WDR64: variants seen among roughly 807,000 people sequenced by gnomAD.
WDR64 encodes the protein WD repeat domain 64, also known as WD repeat-containing protein 64.
WDR64 carries 112 observed loss-of-function variants against 139.3 expected under a neutral mutation model. The ratio of observed to expected loss-of-function variants is 0.80; its 90% CI spans 0.69 to 0.94. WDR64 has a LOEUF of 0.94. WDR64 is among the 40% of genes least tolerant of loss of function. The pLI is 0.00. For synonymous variants in WDR64, 444 were observed against 437.7 expected, an observed-to-expected ratio of 1.01 and a Z score of -0.18; for missense variants, 1,206 against 1,293.1, an observed-to-expected ratio of 0.93 and a Z score of 1.03.
chr1:241,726,142 C>G (rs1668829972), intron 10 of WDR64, among the ~76,000 whole-genome samples: 1 of 151,976 alleles, frequency 6.6e-6, no homozygotes, highest in East Asian at 1.9e-4. Flanking sequence ...TCAAGTGAGC[C>G]TCCTGCCTCA....
intron 1 of WDR64, among the ~76,000 whole-genome samples, chr1:241,653,856 A>T (rs545659297): frequency 6.6e-6 from 1 of 151,934 alleles, no homozygotes; most frequent in Non-Finnish European, 1.5e-5. Flanking sequence ...AAGTCACCCA[A>T]CTTCTAAGTG....
chr1:241,679,389 T>C, intron 5 of WDR64, 96 bp from the exon 6 acceptor site: 1 of 1,030,406 alleles, frequency 9.7e-7, no homozygotes, highest in Admixed American at 2.1e-5. Context: ...GGCAGCAAAA[T>C]GGAGCTTTTA....
At chr1:241,784,623 T>C (rs113461077) in intron 23 of WDR64, among the ~76,000 whole-genome samples, 383 of 152,284 alleles carry the variant, frequency 2.5e-3, no homozygotes, top group Admixed American at 4.2e-3. Flanking sequence ...AGTAAGGTCC[T>C]ATTTGGAGGC....
At chr1:241,754,170 A>G (rs190767997) in intron 14 of WDR64, among the ~76,000 whole-genome samples, 1 of 152,302 alleles carries the variant, frequency 6.6e-6, no homozygotes, top group Non-Finnish European at 1.5e-5. Context: ...TGATTAATTT[A>G]ACTAATATGT....
intron 8 of WDR64, among the ~76,000 whole-genome samples, chr1:241,691,228 A>G (rs1249115994): frequency 6.6e-6 from 1 of 152,188 alleles, no homozygotes; most frequent in Non-Finnish European, 1.5e-5. Context: ...CAAAAGGCAG[A>G]AAAAGAGTAA....
intron 21 of WDR64, among the ~76,000 whole-genome samples, chr1:241,776,858 T>C (rs1386390885): frequency 6.6e-6 from 1 of 152,198 alleles, no homozygotes; most frequent in Non-Finnish European, 1.5e-5. Flanking sequence ...TTTACTATCA[T>C]ATAGCCCATT....
chr1:241,736,532 T>G (rs1477650241), intron 10 of WDR64, among the ~76,000 whole-genome samples: 1 of 152,022 alleles, frequency 6.6e-6, no homozygotes, highest in Non-Finnish European at 1.5e-5. Flanking sequence ...AGAAGGTTTT[T>G]GGAAATGCAA....
chr1:241,752,634 G>A (rs1488246871), intron 14 of WDR64, among the ~76,000 whole-genome samples: 2 of 152,204 alleles, frequency 1.3e-5, no homozygotes, highest in Non-Finnish European at 2.9e-5. Flanking sequence ...AGGATAGCTT[G>A]AGGTTAGGAG....
chr1:241,678,314 C>T (rs1666638469), intron 5 of WDR64, 98 bp downstream of exon 5: 1 of 397,232 alleles, frequency 2.5e-6, no homozygotes, highest in Non-Finnish European at 4.4e-6. Flanking sequence ...ACTGAATAGG[C>T]TCTGGGTATA....
chr1:241,733,811 G>A (rs906887337), intron 10 of WDR64, among the ~76,000 whole-genome samples: 16 of 152,042 alleles, frequency 1.1e-4, no homozygotes, highest in African/African-American at 3.9e-4. Flanking sequence ...TACCAACTTA[G>A]TCTGCTTCTG....
At chr1:241,684,471 C>T (rs147107820) in intron 7 of WDR64, among the ~76,000 whole-genome samples, 18 of 152,122 alleles carry the variant, frequency 1.2e-4, no homozygotes, top group African/African-American at 1.7e-4. Flanking sequence ...TTTTATTAGC[C>T]GAAAAACCTA....
At chr1:241,751,302 A>C (rs1198040141) in intron 14 of WDR64, among the ~76,000 whole-genome samples, 1 of 152,162 alleles carries the variant, frequency 6.6e-6, no homozygotes. Flanking sequence ...AACAAGCTTT[A>C]TAATAAATTT....
At chr1:241,654,514 T>G (rs1360753119) in intron 1 of WDR64, among the ~76,000 whole-genome samples, 3 of 152,364 alleles carry the variant, frequency 2.0e-5, no homozygotes, top group African/African-American at 7.2e-5. Context: ...TCAAGAAACT[T>G]CCTTATCCTG....
intron 8 of WDR64, among the ~76,000 whole-genome samples, chr1:241,705,491 G>A (rs954580942): frequency 2.0e-5 from 3 of 150,894 alleles, no homozygotes; most frequent in South Asian, 2.1e-4. Context: ...GCAGTGAGCC[G>A]AGATCGCGCC....
At chr1:241,766,394 C>A in intron 16 of WDR64, 43 bp downstream of exon 16, 1 of 1,588,160 alleles carries the variant, frequency 6.3e-7, no homozygotes, top group East Asian at 2.3e-5. Flanking sequence ...AGCTTTACTG[C>A]AGAAGGGCTC....
chr1:241,796,923 T>C (rs1659384702), intron 27 of WDR64, among the ~76,000 whole-genome samples: 1 of 152,190 alleles, frequency 6.6e-6, no homozygotes, highest in Admixed American at 6.5e-5. Flanking sequence ...ATGAAGCTTA[T>C]CTAGACCTTT....
chr1:241,749,063 C>G (rs1266495063), intron 13 of WDR64, among the ~76,000 whole-genome samples: 2 of 152,154 alleles, frequency 1.3e-5, no homozygotes, highest in Non-Finnish European at 2.9e-5. Context: ...AGTTTCTTAC[C>G]GGCTGGGATT....
At chr1:241,659,648 G>T (rs1365009664) in intron 1 of WDR64, among the ~76,000 whole-genome samples, 1 of 152,086 alleles carries the variant, frequency 6.6e-6, no homozygotes, top group Non-Finnish European at 1.5e-5. Flanking sequence ...ATTTGCATTT[G>T]TGTAATGACC....
At chr1:241,800,672 C>A (rs1659496898) in intron 27 of WDR64, among the ~76,000 whole-genome samples, 2 of 152,156 alleles carry the variant, frequency 1.3e-5, no homozygotes, top group South Asian at 4.2e-4. Context: ...ACAACAAAAA[C>A]CAAACTTTTA....
Sources: gnomAD v4.1 joint callset for allele counts (sites outside exome capture counted in the v4.1 genomes callset) on GRCh38, gnomAD v4.1.1 for gene constraint, MANE v1.5 for transcripts, NCBI Gene and HGNC (gene_info 2026-07-23, HGNC 2026-07-21) for gene names.